Variants in ASB13 observed in about 807,000 individuals in gnomAD.
ASB13 encodes the protein ankyrin repeat and SOCS box protein 13.
In ASB13, 33 loss-of-function variants were observed where a neutral mutation model predicts 28.8. The observed-to-expected ratio is 1.15, with a 90% confidence interval of 0.87 to 1.53. ASB13 has a LOEUF of 1.53. ASB13 is among the 40% of genes most tolerant of loss of function. ASB13 has a pLI of 0.00. For synonymous variants in ASB13, 182 were observed against 172.9 expected (o/e 1.05, Z -0.41); for missense variants, 414 against 390.1 (o/e 1.06, Z -0.52).
chr10:5,659,713 C>A lies in ASB13; in HGVS notation c.44-6663G>T, dbSNP rs1835129816. On this transcript the variant is annotated intron_variant, in intron 1 of 5. Coordinates refer to ENST00000357700, the MANE Select transcript of ASB13 (RefSeq NM_024701.4). This position sits in a 1 kb window ranked among gnomAD's most constrained non-coding sequence, Gnocchi z 5.8. ...CCCACCACCAGCTGATCAGCATTCT[C>A]CCTTCCCTGGGCCTTCCCTAAGGCC... is the stretch of plus-strand genomic sequence containing the variant. Among the ~76,000 whole-genome samples, 1 of 152,050 alleles carries A rather than the reference C, an allele frequency of 6.6e-6. No homozygotes were observed. Among genetic ancestry groups the A allele is most frequent in the Non-Finnish European group, 1.5e-5 (1 of 68,022 alleles).
rs941320970 is a variant in ASB13 at position 5,662,581 on chromosome 10, G to C, written c.43+3928C>G. Among the ~76,000 whole-genome samples the C allele has an allele frequency of 6.2e-4, 72 of 115,524 alleles. 3 individuals carry two copies. The highest frequency in any genetic ancestry group is 4.9e-4 in the African/African-American group (16 of 32,522). 75.8% of individuals were successfully genotyped at this position (115,524 alleles called of 152,430 possible). ...GAGGGGAGGGGAGAAGAGAAGAGAAGAGAAGAGAAGAGAAGAGAAGAGAAG... is the reference window on the plus strand; with the variant it reads ...GAGGGGAGGGGAGAAGAGAAGAGAACAGAAGAGAAGAGAAGAGAAGAGAAG... On this transcript the variant is annotated intron_variant, in intron 1 of 5. Coordinates refer to ENST00000357700, the MANE Select transcript of ASB13 (RefSeq NM_024701.4).
In ASB13 at chr10:5,659,834, C is replaced by G. The variant is rs1835132507; in HGVS notation, c.43+6675G>C. 6.6e-6 allele frequency among the ~76,000 whole-genome samples: 1 copy of G among 152,190 alleles called. No individual in the cohort carries two copies. The highest frequency in any genetic ancestry group is 1.5e-5 in the Non-Finnish European group (1 of 68,034). ...TGAATGAATAAGCACTCCCCAGACG[C>G]ATCTTCCCCTGCCAGACTGAACTTG... On this transcript the variant is annotated intron_variant, in intron 1 of 5. Transcript: ENST00000357700. The surrounding 1 kb of genome is among the most constrained non-coding windows in gnomAD (Gnocchi z 5.8).
Position 5,641,783 on chromosome 10 carries a change from G to A in ASB13, c.696C>T (p.Phe232=), listed in dbSNP as rs144206251. 26 of 1,596,968 alleles carry A rather than the reference G, an allele frequency of 1.6e-5. No homozygotes were observed. Among genetic ancestry groups the A allele is most frequent in the African/African-American group, 5.4e-5 (4 of 74,758 alleles). Residue 232 remains phenylalanine, a synonymous_variant, in exon 5 of 6, where the codon TTC becomes TTT. Coordinates refer to ENST00000357700, the MANE Select transcript of ASB13 (RefSeq NM_024701.4). The surrounding 1 kb of genome is among the most constrained non-coding windows in gnomAD (Gnocchi z 8.4). Reference sequence around the variant, plus strand: ...GGGGTGTCTCACTTTCGTAGTACTCGAAGCACTTGGCGGGAGCGCTGCTGC... The same window carrying A: ...GGGGTGTCTCACTTTCGTAGTACTCAAAGCACTTGGCGGGAGCGCTGCTGC... ...TWSSSAPAKC[F]EYYEKTPLTL...
chr10:5,653,651 G>T (rs908457928), intron 1 of ASB13, among the ~76,000 whole-genome samples: 7 of 146,392 alleles, frequency 4.8e-5, no homozygotes, highest in Admixed American at 2.9e-4. Context: ...TTTCTAATGT[G>T]GATGCCATTT....
rs1199932926 is a variant in ASB13 at position 5,640,294 on chromosome 10, A to G, written c.*409T>C. 1 of 164,512 alleles carries G rather than the reference A, an allele frequency of 6.1e-6. No individual in the cohort carries two copies. The highest frequency in any genetic ancestry group is 1.8e-4 in the East Asian group (1 of 5,630). The allele number at this position is 164,512 out of a possible 1,614,324, so 10.2% of individuals were successfully genotyped here. On this transcript the variant is annotated 3_prime_UTR_variant, in exon 6 of 6. Transcript: ENST00000357700. ...GGTGGCCTGCACCTGGGGCCTGTGC[A>G]TCTGCGGCAGGCTGCCCCGGTGAGT...
rs1834858685 is a variant in ASB13 at position 5,644,769 on chromosome 10, GA to G, written c.518-2809del. On this transcript the variant is annotated intron_variant, in intron 4 of 5. Transcript: ENST00000357700. This position sits in a 1 kb window ranked among gnomAD's most constrained non-coding sequence, Gnocchi z 5.1. ...GGAGATGGAGGCTGCAGTGAGCAGA[GA>G]TCACACCACTGCACTCCAGCCTGGG... Among the ~76,000 whole-genome samples, 1 of 151,862 alleles carries G rather than the reference GA, an allele frequency of 6.6e-6. No individual in the cohort carries two copies. Among genetic ancestry groups the G allele is most frequent in the Non-Finnish European group, 1.5e-5 (1 of 68,002 alleles).
chr10:5,653,971 C>T (rs897856692), intron 1 of ASB13, among the ~76,000 whole-genome samples: 11 of 152,014 alleles, frequency 7.2e-5, no homozygotes, highest in African/African-American at 2.7e-4. Flanking sequence ...TGTGAGCCAC[C>T]ACGCCCAGCT....
chr10:5,652,773 C>A lies in ASB13; in HGVS notation c.231+90G>T. ...GCAGTGGACACAGTGCAGCCCCCAT[C>A]CTCCCCTCTTTCCCAAGTTCTCCTG... is the stretch of plus-strand genomic sequence containing the variant. On this transcript the variant is annotated intron_variant, in intron 2 of 5. Transcript: ENST00000357700. This position sits in a 1 kb window ranked among gnomAD's most constrained non-coding sequence, Gnocchi z 5.0. 7.4e-7 allele frequency: 1 copy of A among 1,352,610 alleles called. No homozygotes were observed. The highest frequency in any genetic ancestry group is 1.5e-5 in the African/African-American group (1 of 68,676). The allele number at this position is 1,352,610 out of a possible 1,614,324, so 83.8% of individuals were successfully genotyped here. A position where few individuals can be genotyped will look rare whatever the true frequency, so the allele number is the denominator to read the frequency against.
At chr10:5,665,958 C>A (rs914216858) in intron 1 of ASB13, among the ~76,000 whole-genome samples, 4 of 152,218 alleles carry the variant, frequency 2.6e-5, no homozygotes, top group Admixed American at 2.0e-4. Context: ...AAGTAGGCTG[C>A]GAACTGGGAT....
chr10:5,651,761 G>A lies in ASB13; in HGVS notation c.232-398C>T, dbSNP rs182173395. Among the ~76,000 whole-genome samples, 5 of 152,082 alleles carry A rather than the reference G, an allele frequency of 3.3e-5. No homozygotes were observed. The highest frequency in any genetic ancestry group is 2.1e-4 in the South Asian group (1 of 4,816). ...CTCACACCTGTAACCCCAGCACTTC[G>A]GAAGGCGAGGAGGGAGGGTCACTTG... is the stretch of plus-strand genomic sequence containing the variant. On this transcript the variant is annotated intron_variant, in intron 2 of 5. Transcript: ENST00000357700. The surrounding 1 kb of genome is among the most constrained non-coding windows in gnomAD (Gnocchi z 5.1).
Position 5,666,510 on chromosome 10 carries a change from C to A in ASB13, c.42G>T (p.Val14=). The part of the protein sequence containing the change: ...RAADGCFLGD[V]GFWVERTPVH... Reference sequence around the variant, plus strand: ...GACCTCCGCGGCGCCCGCACGTACCCACGTCGCCCAGGAAGCAGCCGTCCG... The same window carrying A: ...GACCTCCGCGGCGCCCGCACGTACCAACGTCGCCCAGGAAGCAGCCGTCCG... The change falls in exon 1 of 6, where the codon GTG becomes GTT. Residue 14 remains valine, a splice_region_variant and synonymous_variant. Transcript: ENST00000357700. 1 of 1,289,346 alleles carries A rather than the reference C, an allele frequency of 7.8e-7. No homozygotes were observed. The highest frequency in any genetic ancestry group is 9.9e-7 in the Non-Finnish European group (1 of 1,013,798). 79.9% of individuals were successfully genotyped at this position (1,289,346 alleles called of 1,614,324 possible).
intron 5 of ASB13, 86 bp from the exon 6 acceptor site, chr10:5,640,916 G>T: frequency 6.6e-7 from 1 of 1,523,704 alleles, no homozygotes; most frequent in East Asian, 2.3e-5. Context: ...AGAGGGAATC[G>T]GAAACGCCTC....
In ASB13 at chr10:5,663,309, A is replaced by C. The variant is rs1254942557; in HGVS notation, c.43+3200T>G. 6.6e-6 allele frequency among the ~76,000 whole-genome samples: 1 copy of C among 152,232 alleles called. No homozygotes were observed. Among genetic ancestry groups the C allele is most frequent in the African/African-American group, 2.4e-5 (1 of 41,450 alleles). On this transcript the variant is annotated intron_variant, in intron 1 of 5. Coordinates refer to ENST00000357700, the MANE Select transcript of ASB13 (RefSeq NM_024701.4). This position sits in a 1 kb window ranked among gnomAD's most constrained non-coding sequence, Gnocchi z 4.9. ...AAGGTGTCAGGAGAGCTTGGTGAAT[A>C]ACAGGCATTTCCTTCCACCTGCAGG...
At position 5,658,959 on chromosome 10, in the gene ASB13, C is replaced by A. The variant is rs1835114291; in HGVS notation, c.44-5909G>T. Among the ~76,000 whole-genome samples the A allele has an allele frequency of 6.6e-6, 1 of 152,160 alleles. No homozygotes were observed. Among genetic ancestry groups the A allele is most frequent in the Non-Finnish European group, 1.5e-5 (1 of 68,020 alleles). On this transcript the variant is annotated intron_variant, in intron 1 of 5. Transcript: ENST00000357700. The surrounding 1 kb of genome is among the most constrained non-coding windows in gnomAD (Gnocchi z 4.2). ...ACCCACTCTCTTCATAAACATCAGC[C>A]CCCAGCACCCACCACCACAGAGCAA...
chr10:5,649,017 G>A lies in ASB13; in HGVS notation c.470C>T (p.Ala157Val), dbSNP rs555402120. 19 of 1,614,268 alleles carry A rather than the reference G, an allele frequency of 1.2e-5. No homozygotes were observed. In the East Asian group the frequency reaches 4.2e-4, roughly 36 times the overall value. Residue 157 changes from alanine to valine, a missense_variant, in exon 4 of 6, where the codon GCC becomes GTC. Transcript: ENST00000357700. The surrounding 1 kb of genome is among the most constrained non-coding windows in gnomAD (Gnocchi z 6.4). ...ACAGTCCAGATGCTCCCGGGCACAG[G>A]CAACGTGCAGAGGGGTCCCAAAATG... Reference protein sequence around the residue: ...DCHFGTPLHVACAREHLDCVK... With the variant: ...DCHFGTPLHVVCAREHLDCVK...
intron 1 of ASB13, 122 bp downstream of exon 1, chr10:5,666,387 C>T: frequency 1.1e-6 from 1 of 875,688 alleles, no homozygotes; most frequent in Non-Finnish European, 1.5e-6. Context: ...GCCAAACGCC[C>T]CCGCCCACGG....
rs1835125781 is a variant in ASB13 at position 5,659,510 on chromosome 10, A to G, written c.44-6460T>C. Among the ~76,000 whole-genome samples, 1 of 152,206 alleles carries G rather than the reference A, an allele frequency of 6.6e-6. No homozygotes were observed. Among genetic ancestry groups the G allele is most frequent in the Non-Finnish European group, 1.5e-5 (1 of 68,038 alleles). ...AACTCTACCGACTCACACAGAGTCC[A>G]GTGGCTGCAAGTCCCATGCTTTGCG... On this transcript the variant is annotated intron_variant, in intron 1 of 5. Transcript: ENST00000357700. The surrounding 1 kb of genome is among the most constrained non-coding windows in gnomAD (Gnocchi z 5.8).
At chr10:5,665,790 T>C (rs1012517523) in intron 1 of ASB13, among the ~76,000 whole-genome samples, 14 of 152,006 alleles carry the variant, frequency 9.2e-5, no homozygotes, top group Non-Finnish European at 1.8e-4. Flanking sequence ...AGGATGAATA[T>C]GCTTTAGATT....
chr10:5,649,109 A>T lies in ASB13; in HGVS notation c.383-5T>A. On this transcript the variant is annotated splice_region_variant and splice_polypyrimidine_tract_variant and intron_variant, in intron 3 of 5. Coordinates refer to ENST00000357700, the MANE Select transcript of ASB13 (RefSeq NM_024701.4). The surrounding 1 kb of genome is among the most constrained non-coding windows in gnomAD (Gnocchi z 6.4). Reference sequence around the variant, plus strand: ...GCCTCACACATTCGGAACTCCCTTAAGATAAATGGAAAAGGGGGGGAATGT... The same window carrying T: ...GCCTCACACATTCGGAACTCCCTTATGATAAATGGAAAAGGGGGGGAATGT... 1 of 1,614,152 alleles carries T rather than the reference A, an allele frequency of 6.2e-7. No individual in the cohort carries two copies. Among genetic ancestry groups the T allele is most frequent in the Non-Finnish European group, 8.5e-7 (1 of 1,180,022 alleles).
Sources: gnomAD v4.1 joint callset for allele counts (sites outside exome capture counted in the v4.1 genomes callset) on GRCh38, gnomAD v4.1.1 for gene constraint, Gnocchi (gnomAD v3.1) non-coding constraint, MANE v1.5 for transcripts, NCBI Gene and HGNC (gene_info 2026-07-23, HGNC 2026-07-21) for gene names.